SLC7A14: variants seen among roughly 807,000 people sequenced by gnomAD.
The protein encoded by SLC7A14 is gamma-aminobutyric acid transporter SLC7A14.
A neutral mutation model predicts 60.2 loss-of-function variants in SLC7A14; 37 were observed. The ratio of observed to expected loss-of-function variants is 0.61; its 90% CI spans 0.47 to 0.81. SLC7A14 has a LOEUF of 0.81. Among genes scored for constraint, SLC7A14 ranks in the 30% least tolerant of loss-of-function variants. The pLI is 0.00. For missense variants in SLC7A14, 886 were observed against 982.7 expected, an observed-to-expected ratio of 0.90 and a Z score of 1.32; for synonymous variants, 399 against 395.8, an observed-to-expected ratio of 1.01 and a Z score of -0.10.
At chr3:170,483,190 A>G in intron 6 of SLC7A14, 124 bp downstream of exon 6, 1 of 1,143,484 alleles carries the variant, frequency 8.7e-7, no homozygotes, top group Non-Finnish European at 1.3e-6. Flanking sequence ...AGGATACATA[A>G]CAAGGTCCAC....
At position 170,581,499 on chromosome 3, in the gene SLC7A14, C is replaced by T. The variant is rs140561519; in HGVS notation, c.-153+4412G>A. Among the ~76,000 whole-genome samples, 215 of 152,188 alleles carry T rather than the reference C, an allele frequency of 1.4e-3. 1 individual carries two copies. The highest frequency in any genetic ancestry group is 4.9e-3 in the African/African-American group (205 of 41,532). ...CAAATAAACTAAACAACAAACAATG[C>T]ACGGTATTTCAATTAATAGAATCTA... On this transcript the variant is annotated intron_variant, in intron 1 of 7. Coordinates refer to ENST00000231706, the MANE Select transcript of SLC7A14 (RefSeq NM_020949.3).
intron 1 of SLC7A14, among the ~76,000 whole-genome samples, chr3:170,551,179 A>T (rs1714339140): frequency 6.6e-6 from 1 of 152,212 alleles, no homozygotes; most frequent in African/African-American, 2.4e-5. Context: ...TCTTTCACTT[A>T]TCATAACGTT....
At position 170,508,341 on chromosome 3, in the gene SLC7A14, T is replaced by C. The variant is rs187624775; in HGVS notation, c.305-6996A>G. Among the ~76,000 whole-genome samples the C allele has an allele frequency of 1.7e-3, 260 of 152,350 alleles. 1 individual carries two copies. The highest frequency in any genetic ancestry group is 4.9e-3 in the African/African-American group (202 of 41,594). ...AACTTTACAGTTTCATGCAGGCCTC[T>C]GGGATCAGCAACAACTGGAGCGTTG... On this transcript the variant is annotated intron_variant, in intron 2 of 7. Coordinates refer to ENST00000231706, the MANE Select transcript of SLC7A14 (RefSeq NM_020949.3).
At chr3:170,471,825 G>A (rs1577492427) in intron 7 of SLC7A14, among the ~76,000 whole-genome samples, 1 of 152,118 alleles carries the variant, frequency 6.6e-6, no homozygotes. Flanking sequence ...ATTCTATTTG[G>A]ATATTTAATT....
At chr3:170,575,480 T>C (rs1049764315) in intron 1 of SLC7A14, among the ~76,000 whole-genome samples, 29 of 152,342 alleles carry the variant, frequency 1.9e-4, no homozygotes, top group African/African-American at 5.5e-4. Context: ...GCTCAGAATG[T>C]AGAAGCAGGG....
chr3:170,533,834 C>T (rs1713756940), intron 1 of SLC7A14, among the ~76,000 whole-genome samples: 1 of 152,192 alleles, frequency 6.6e-6, no homozygotes, highest in South Asian at 2.1e-4. Context: ...TGTATCTTTG[C>T]TGAGTGTTTG....
At chr3:170,584,814 C>T (rs1715336606) in intron 1 of SLC7A14, among the ~76,000 whole-genome samples, 1 of 151,962 alleles carries the variant, frequency 6.6e-6, no homozygotes, top group South Asian at 2.1e-4. Context: ...GGGTGACATC[C>T]TGCGGCCCTT....
intron 4 of SLC7A14, chr3:170,496,031 G>A: frequency 1.7e-6 from 2 of 1,211,070 alleles, no homozygotes; most frequent in South Asian, 2.5e-5. Flanking sequence ...AGAAGGACAT[G>A]GATGAAGCTT....
intron 7 of SLC7A14, among the ~76,000 whole-genome samples, chr3:170,473,092 C>T (rs1256384102): frequency 6.6e-6 from 1 of 152,186 alleles, no homozygotes; most frequent in East Asian, 1.9e-4. Flanking sequence ...CTGTTCCTGT[C>T]CCACCCAGGT....
At chr3:170,544,400 G>T (rs1276156881) in intron 1 of SLC7A14, among the ~76,000 whole-genome samples, 1 of 152,120 alleles carries the variant, frequency 6.6e-6, no homozygotes, top group East Asian at 1.9e-4. Context: ...AAAACTGAGA[G>T]ATTAAAAGGC....
At chr3:170,479,242 G>A (rs1314623417) in intron 7 of SLC7A14, among the ~76,000 whole-genome samples, 2 of 152,180 alleles carry the variant, frequency 1.3e-5, no homozygotes, top group Non-Finnish European at 2.9e-5. Flanking sequence ...CCTTTAGGCA[G>A]GGTTTACTCT....
Position 170,467,094 on chromosome 3 carries a change from G to A in SLC7A14, c.2277C>T (p.Ala759=), listed in dbSNP as rs749416939. The A allele has an allele frequency of 1.0e-4, 166 of 1,613,616 alleles. 4 individuals are homozygous for A. The Admixed American group carries it at 2.7e-3, about 26-fold the overall frequency. ...SKSKHKQNSE[A]LIANDELDYS... is the part of the protein sequence containing the mutation. ...AATCTAACTCATCATTTGCAATCAG[G>A]GCCTCTGAGTTCTGTTTGTGTTTGC... The change falls in exon 8 of 8, where the codon GCC becomes GCT. Residue 759 remains alanine (A), a synonymous_variant. Transcript: ENST00000231706.
In SLC7A14 at chr3:170,480,486, A is replaced by C. The variant is rs760717830; in HGVS notation, c.1796T>G (p.Leu599Arg). 2.3e-5 allele frequency: 37 copies of C among 1,614,096 alleles called. No individual in the cohort carries two copies. Among genetic ancestry groups the C allele is most frequent in the Non-Finnish European group, 3.1e-5 (37 of 1,180,036 alleles). The change falls in exon 7 of 8, where the codon CTT becomes CGT. Residue 599 changes from leucine (L) to arginine (R), a missense_variant. Coordinates refer to ENST00000231706, the MANE Select transcript of SLC7A14 (RefSeq NM_020949.3). ...CAGCAGCACCATCAGAACAACCAGA[A>C]GGATGGCCCACCAGCTCTGCTCTGA... ...YISEQSWWAILLVVLMVLLIS... is the reference protein window; with the variant it reads ...YISEQSWWAIRLVVLMVLLIS...
At chr3:170,499,029 G>A (rs1272555870) in intron 3 of SLC7A14, 145 bp from the exon 4 acceptor site, 2 of 679,292 alleles carry the variant, frequency 2.9e-6, no homozygotes, top group Non-Finnish European at 5.0e-6. Context: ...GAGGTCAGGA[G>A]ATTGAGACCA....
rs930679272 is a variant in SLC7A14 at position 170,466,034 on chromosome 3, A to G, written c.*1021T>C. 2.0e-5 allele frequency: 3 copies of G among 152,208 alleles called. No homozygotes were observed. Among genetic ancestry groups the G allele is most frequent in the Admixed American group, 6.5e-5 (1 of 15,284 alleles). The allele number at this position is 152,208 out of a possible 1,614,324, so 9.4% of individuals were successfully genotyped here. A position where few individuals can be genotyped will look rare whatever the true frequency, so the allele number is the denominator to read the frequency against. ...GGAATGCAACTACCTAAGTCGCTAT[A>G]CTTCAGCCTATTTTGTTTTCAGAGT... On this transcript the variant is annotated 3_prime_UTR_variant, in exon 8 of 8. Transcript: ENST00000231706.
intron 1 of SLC7A14, among the ~76,000 whole-genome samples, chr3:170,582,229 T>C (rs1473312048): frequency 6.6e-6 from 1 of 152,128 alleles, no homozygotes; most frequent in African/African-American, 2.4e-5. Flanking sequence ...GAAGAGTAGG[T>C]CCTTACTTCT....
At chr3:170,490,989 C>T (rs1712197437) in intron 4 of SLC7A14, among the ~76,000 whole-genome samples, 1 of 151,970 alleles carries the variant, frequency 6.6e-6, no homozygotes, top group South Asian at 2.1e-4. Context: ...ACTCCTCCTC[C>T]TTCTCTCCTC....
At chr3:170,569,340 C>T (rs1714878970) in intron 1 of SLC7A14, among the ~76,000 whole-genome samples, 1 of 152,188 alleles carries the variant, frequency 6.6e-6, no homozygotes, top group African/African-American at 2.4e-5. Context: ...TTGAACCAGC[C>T]TTGCATCCCA....
chr3:170,484,121 A>G (rs987870257), intron 5 of SLC7A14, among the ~76,000 whole-genome samples: 31 of 152,222 alleles, frequency 2.0e-4, no homozygotes, highest in Non-Finnish European at 5.9e-5. Context: ...AGGCAGGCCA[A>G]CAGACAAATG....
Sources: gnomAD v4.1 joint callset for allele counts (sites outside exome capture counted in the v4.1 genomes callset) on GRCh38, gnomAD v4.1.1 for gene constraint, MANE v1.5 for transcripts, NCBI Gene and HGNC (gene_info 2026-07-23, HGNC 2026-07-21) for gene names.